Variants in SLC1A6 observed in about 807,000 individuals in gnomAD.
SLC1A6 encodes the protein solute carrier family 1 member 6, also known as excitatory amino acid transporter 4.
A neutral mutation model predicts 42.1 loss-of-function variants in SLC1A6; 15 were observed. That is an observed-to-expected ratio of 0.36 (90% confidence interval 0.24 to 0.55). SLC1A6 has a LOEUF of 0.55. SLC1A6 is among the 20% of genes least tolerant of loss of function. The probability of loss-of-function intolerance (pLI) is 0.88; values close to 1 mark genes in which losing one functional copy is unlikely to be tolerated. For missense variants in SLC1A6, 542 were observed against 772.5 expected (o/e 0.70, Z 3.54); for synonymous variants, 317 against 319.7 (o/e 0.99, Z 0.09).
chr19:14,967,611 T>G (rs1340771956), intron 4 of SLC1A6, among the ~76,000 whole-genome samples: 1 of 152,190 alleles, frequency 6.6e-6, no homozygotes, highest in Non-Finnish European at 1.5e-5. Flanking sequence ...TACCAAATTA[T>G]AAGGAGGATC....
chr19:14,962,301 C>T lies in SLC1A6; in HGVS notation c.636G>A (p.Val212=). Residue 212 remains valine, a synonymous_variant, in exon 6 of 10, where the codon GTG becomes GTA. Transcript: ENST00000594383. ...CCGGCTCAGACCCGTTCTCTGTCCT[C>T]ACCATGGTCCTGGTTACCACCCTCG... ...YSTRVVTRTM[V]RTENGSEPGA... 1 of 1,614,190 alleles carries T rather than the reference C, an allele frequency of 6.2e-7. No individual in the cohort carries two copies. The highest frequency in any genetic ancestry group is 8.5e-7 in the Non-Finnish European group (1 of 1,180,032).
At chr19:15,010,606 A>G (rs957709646) in exon 1 of SLC1A6, 5 of 640,248 alleles carry the variant, frequency 7.8e-6, no homozygotes, top group Non-Finnish European at 1.4e-5. Context: ...TTTCTCAAGG[A>G]GTCAGGATGC....
At chr19:14,962,472 G>A (rs556911037) in intron 5 of SLC1A6, 127 bp from the exon 6 acceptor site, 53 of 664,482 alleles carry the variant, frequency 8.0e-5, no homozygotes, top group South Asian at 6.1e-4. Flanking sequence ...CTTCATTATC[G>A]ATTATCACTC....
upstream of SLC1A6, among the ~76,000 whole-genome samples, chr19:14,980,687 A>G (rs1326512147): frequency 6.6e-6 from 1 of 151,298 alleles, no homozygotes; most frequent in African/African-American, 2.4e-5. Flanking sequence ...TGCACGTTCA[A>G]TGTTTTTTAT....
intron 1 of SLC1A6, among the ~76,000 whole-genome samples, chr19:14,975,942 G>A (rs2045705992): frequency 6.8e-6 from 1 of 147,260 alleles, no homozygotes; most frequent in South Asian, 2.2e-4. Flanking sequence ...TTTTCTGTGG[G>A]TCCCTAAAAG....
intron 1 of SLC1A6, among the ~76,000 whole-genome samples, chr19:15,007,538 GA>G (rs2045901544): frequency 7.1e-6 from 1 of 140,036 alleles, no homozygotes; most frequent in Admixed American, 7.4e-5. Flanking sequence ...TTGTATTTAT[GA>G]AAATTTCATC....
intron 6 of SLC1A6, among the ~76,000 whole-genome samples, chr19:14,958,865 A>G (rs2045485534): frequency 6.6e-6 from 1 of 152,144 alleles, no homozygotes; most frequent in African/African-American, 2.4e-5. Flanking sequence ...CTTATCCTTA[A>G]TAAGCTCCCC....
At chr19:14,962,572 C>T (rs970877583) in intron 5 of SLC1A6, among the ~76,000 whole-genome samples, 5 of 152,086 alleles carry the variant, frequency 3.3e-5, no homozygotes, top group Admixed American at 1.3e-4. Flanking sequence ...AATCAGTAAA[C>T]CCATTATGAA....
chr19:15,005,350 A>G (rs2045891207), intron 1 of SLC1A6, among the ~76,000 whole-genome samples: 1 of 152,000 alleles, frequency 6.6e-6, no homozygotes, highest in Non-Finnish European at 1.5e-5. Context: ...TCTACTAAAA[A>G]TACAAAAAAT....
In SLC1A6 at chr19:14,950,385, C is replaced by T. The variant is rs2045399524; in HGVS notation, c.1505G>A (p.Arg502Gln). 2 of 1,576,868 alleles carry T rather than the reference C, an allele frequency of 1.3e-6. No individual in the cohort carries two copies. Among genetic ancestry groups the T allele is most frequent in the Non-Finnish European group, 1.7e-6 (2 of 1,155,196 alleles). ...CAGTACGTTGGTCATTGTGCGAAGC[C>T]GGTCACTGGTACAGGGGAGAAAGAA... The part of the protein sequence containing the change: ...LIIAVDWFLD[R>Q]LRTMTNVLGD... Residue 502 changes from arginine (R) to glutamine (Q), a missense_variant, in exon 10 of 10, where the codon CGG becomes CAG. Transcript: ENST00000594383.
At chr19:14,991,747 CA>C (rs1415494974) in intron 1 of SLC1A6, among the ~76,000 whole-genome samples, 2 of 151,262 alleles carry the variant, frequency 1.3e-5, no homozygotes, top group East Asian at 3.9e-4. Context: ...TTTTAGAAAT[CA>C]AAATGAATGC....
chr19:14,992,210 T>C (rs1300653383), intron 1 of SLC1A6, among the ~76,000 whole-genome samples: 2 of 152,204 alleles, frequency 1.3e-5, no homozygotes, highest in Non-Finnish European at 2.9e-5. Context: ...GGGTTAACCA[T>C]GGATTGTTTG....
At position 14,954,422 on chromosome 19, in the gene SLC1A6, T is replaced by G. The variant is rs2045442537; in HGVS notation, c.1170-93A>C. 4 of 1,161,970 alleles carry G rather than the reference T, an allele frequency of 3.4e-6. No individual in the cohort carries two copies. In the African/African-American group the frequency reaches 4.6e-5, roughly 13 times the overall value. 72.0% of individuals were successfully genotyped at this position (1,161,970 alleles called of 1,614,324 possible). A position where few individuals can be genotyped will look rare whatever the true frequency, so the allele number is the denominator to read the frequency against. On this transcript the variant is annotated intron_variant, in intron 7 of 9. Transcript: ENST00000594383. ...TGGCCTAGTGGGGCAGGGCAGAGAA[T>G]GGGGCGTGGCCGAAGAAAGGCTGGG...
At chr19:14,976,107 A>G (rs2045708099) in intron 1 of SLC1A6, among the ~76,000 whole-genome samples, 1 of 152,150 alleles carries the variant, frequency 6.6e-6, no homozygotes. Context: ...CGATCTACCC[A>G]GTGGAAAGGA....
At chr19:14,997,587 G>T (rs2045853115) in intron 1 of SLC1A6, among the ~76,000 whole-genome samples, 1 of 152,144 alleles carries the variant, frequency 6.6e-6, no homozygotes, top group South Asian at 2.1e-4. Context: ...GCAAGTGGCT[G>T]CTTCTCCCTT....
chr19:14,992,011 A>G (rs1486951408), intron 1 of SLC1A6, among the ~76,000 whole-genome samples: 2 of 151,994 alleles, frequency 1.3e-5, no homozygotes, highest in Non-Finnish European at 2.9e-5. Flanking sequence ...TTTTTAGTAG[A>G]GACGGGGTTT....
rs142017971 is a variant in SLC1A6 at position 14,967,082 on chromosome 19, A to G, written c.548+1221T>C. ...ATAAATTAAAAAATCATGCTGCTCT[A>G]AGAGAATCATTCACCCTCCAATGAT... On this transcript the variant is annotated intron_variant, in intron 4 of 9. Coordinates refer to ENST00000594383, the MANE Select transcript of SLC1A6 (RefSeq NM_005071.3). 7.9e-5 allele frequency among the ~76,000 whole-genome samples: 12 copies of G among 152,330 alleles called. No homozygotes were observed. In the East Asian group the frequency reaches 1.3e-3, roughly 17 times the overall value.
intron 1 of SLC1A6, among the ~76,000 whole-genome samples, chr19:14,998,484 C>A (rs8100708): frequency 6.6e-6 from 1 of 151,912 alleles, no homozygotes; most frequent in Non-Finnish European, 1.5e-5. Context: ...GAGGTTGCAG[C>A]GAGCCAAGAT....
At chr19:15,007,450 A>T (rs2045901150) in intron 1 of SLC1A6, among the ~76,000 whole-genome samples, 1 of 152,198 alleles carries the variant, frequency 6.6e-6, no homozygotes, top group Non-Finnish European at 1.5e-5. Flanking sequence ...GAAGTGTTCT[A>T]GAATTCGATA....
Sources: allele counts gnomAD v4.1 joint callset (sites outside exome capture counted in the v4.1 genomes callset), GRCh38; gene constraint gnomAD v4.1.1; transcripts MANE v1.5; gene names NCBI Gene and HGNC (gene_info 2026-07-23, HGNC 2026-07-21).